The following SGCZ variants were observed in gnomAD, a reference collection of about 807,000 sequenced individuals.
SGCZ encodes sarcoglycan zeta.
A neutral mutation model predicts 41.3 loss-of-function variants in SGCZ; 40 were observed. The ratio of observed to expected loss-of-function variants is 0.97; its 90% confidence interval spans 0.75 to 1.26. The LOEUF (loss-of-function observed/expected upper bound fraction) is 1.26. Ranked by LOEUF, SGCZ falls within the 50% of genes most tolerant of loss-of-function variation. The probability of loss-of-function intolerance (pLI) is 0.00; values close to 1 mark genes in which losing one functional copy is unlikely to be tolerated. For missense variants in SGCZ, 552 were observed against 369.8 expected (o/e 1.49, Z -4.04); for synonymous variants, 206 against 137.5 (o/e 1.50, Z -3.49).
At chr8:14,664,403 T>C (rs998943618) in intron 1 of SGCZ, among the ~76,000 whole-genome samples, 5 of 152,178 alleles carry the variant, frequency 3.3e-5, no homozygotes, top group Non-Finnish European at 7.4e-5. Flanking sequence ...TGCTTAGAAG[T>C]GTGTCTTTAA....
chr8:15,116,608 G>C (rs939345445), intron 1 of SGCZ, among the ~76,000 whole-genome samples: 2 of 152,156 alleles, frequency 1.3e-5, no homozygotes, highest in Non-Finnish European at 2.9e-5. Context: ...CTGACAGAAA[G>C]GGCAAAGGGT....
intron 2 of SGCZ, among the ~76,000 whole-genome samples, chr8:14,531,206 C>A (rs570766688): frequency 1.3e-5 from 2 of 151,836 alleles, no homozygotes; most frequent in African/African-American, 4.8e-5. Context: ...ATTCATAAAC[C>A]TATCAGCATA....
chr8:14,316,600 A>T (rs977734663), intron 3 of SGCZ, among the ~76,000 whole-genome samples: 8 of 151,810 alleles, frequency 5.3e-5, no homozygotes, highest in African/African-American at 1.9e-4. Flanking sequence ...CAACCCGGAA[A>T]CACTTTCACC....
chr8:14,109,333 G>C (rs1315611891), intron 5 of SGCZ, among the ~76,000 whole-genome samples: 1 of 152,026 alleles, frequency 6.6e-6, no homozygotes, highest in Non-Finnish European at 1.5e-5. Flanking sequence ...GAGCAAAATG[G>C]AAGGATACTT....
chr8:14,657,450 A>T (rs910349858), intron 1 of SGCZ, among the ~76,000 whole-genome samples: 2 of 152,122 alleles, frequency 1.3e-5, no homozygotes, highest in Non-Finnish European at 1.5e-5. Flanking sequence ...ATTTTGTAAA[A>T]TAAAGTTGAC....
In SGCZ at chr8:14,381,657, T is replaced by C. The variant is rs1804369857; in HGVS notation, c.235-57453A>G. ...GGCTGGGTGTAGTCACGTGCACCTG[T>C]AGTCCCAGCTACTTGTTACTTGGGA... is the stretch of plus-strand genomic sequence containing the variant. On this transcript the variant is annotated intron_variant, in intron 2 of 7. Coordinates refer to ENST00000382080, the MANE Select transcript of SGCZ (RefSeq NM_139167.4). Among the ~76,000 whole-genome samples, 5 of 151,658 alleles carry C rather than the reference T, an allele frequency of 3.3e-5. No homozygotes were observed. In the South Asian group the frequency reaches 1.0e-3, roughly 32 times the overall value.
rs1329321111 is a variant in SGCZ, at chr8:14,360,863, G to T, written c.235-36659C>A. On this transcript the variant is annotated intron_variant, in intron 2 of 7. Coordinates refer to ENST00000382080, the MANE Select transcript of SGCZ (RefSeq NM_139167.4). ...GTATTTTTTGAGAAACCACTTTTTT[G>T]TTGTTGTTTTCTAGAGTGGCTGTAC... 2.6e-5 allele frequency among the ~76,000 whole-genome samples: 4 copies of T among 152,050 alleles called. No homozygotes were observed. In the East Asian group the frequency reaches 7.7e-4, roughly 29 times the overall value.
intron 1 of SGCZ, among the ~76,000 whole-genome samples, chr8:15,191,803 T>C (rs990458080): frequency 2.6e-5 from 4 of 152,094 alleles, no homozygotes; most frequent in Non-Finnish European, 5.9e-5. Context: ...AAACTTCAAC[T>C]CAGTCCTACC....
At chr8:14,481,084 G>A (rs1192406530) in intron 2 of SGCZ, among the ~76,000 whole-genome samples, 1 of 151,952 alleles carries the variant, frequency 6.6e-6, no homozygotes, top group Non-Finnish European at 1.5e-5. Flanking sequence ...AAACAGCAAA[G>A]TGTTAATATC....
At chr8:14,620,684 A>G (rs2117368465) in intron 1 of SGCZ, among the ~76,000 whole-genome samples, 1 of 152,366 alleles carries the variant, frequency 6.6e-6, no homozygotes, top group Non-Finnish European at 1.5e-5. Context: ...AGACACATGA[A>G]AAAATGCTCA....
chr8:14,526,414 T>C (rs1802952120), intron 2 of SGCZ, among the ~76,000 whole-genome samples: 1 of 152,140 alleles, frequency 6.6e-6, no homozygotes, highest in South Asian at 2.1e-4. Context: ...ATGATTAGGC[T>C]ACTGTTGTAC....
At chr8:14,698,851 C>T (rs996410774) in intron 1 of SGCZ, among the ~76,000 whole-genome samples, 1 of 151,972 alleles carries the variant, frequency 6.6e-6, no homozygotes, top group Admixed American at 6.6e-5. Context: ...GTAGTGTGAA[C>T]ACATGTCTCC....
In SGCZ at chr8:14,127,608, A is replaced by G. The variant is rs1802903372; in HGVS notation, c.548-19373T>C. ...GTAGCTGGGACTACAGGCACCCACT[A>G]CCACACCAGGCTAATTTTTTGTATT... On this transcript the variant is annotated intron_variant, in intron 5 of 7. Transcript: ENST00000382080. Among the ~76,000 whole-genome samples, 4 of 151,808 alleles carry G rather than the reference A, an allele frequency of 2.6e-5. No homozygotes were observed. In the South Asian group the frequency reaches 6.3e-4, roughly 24 times the overall value.
At chr8:14,104,385 T>A (rs959118) in intron 6 of SGCZ, among the ~76,000 whole-genome samples, 147,585 of 151,980 alleles carry the variant, frequency 0.97, 71,783 homozygotes, top group East Asian at 1. Context: ...TGTATCAAAG[T>A]TGCAACAAGA....
chr8:15,123,273 A>G (rs1807556411), intron 1 of SGCZ, among the ~76,000 whole-genome samples: 1 of 152,188 alleles, frequency 6.6e-6, no homozygotes, highest in African/African-American at 2.4e-5. Context: ...TTTCCTTGAT[A>G]AATAGAAAGG....
At chr8:14,588,460 A>C (rs929610157) in intron 1 of SGCZ, among the ~76,000 whole-genome samples, 1 of 152,180 alleles carries the variant, frequency 6.6e-6, no homozygotes, top group Non-Finnish European at 1.5e-5. Flanking sequence ...ATACATTAAT[A>C]ATCAGAATAA....
At chr8:14,461,374 T>C (rs1380239711) in intron 2 of SGCZ, among the ~76,000 whole-genome samples, 1 of 152,056 alleles carries the variant, frequency 6.6e-6, no homozygotes, top group African/African-American at 2.4e-5. Flanking sequence ...AACATTGCAA[T>C]ATCCCCAATG....
intron 5 of SGCZ, among the ~76,000 whole-genome samples, chr8:14,141,232 T>C (rs894335432): frequency 1.8e-4 from 27 of 151,028 alleles, no homozygotes; most frequent in African/African-American, 6.0e-4. Context: ...GAAGGAAACC[T>C]ATACCATTCA....
chr8:14,861,210 T>G (rs540269412), intron 1 of SGCZ, among the ~76,000 whole-genome samples: 8 of 152,344 alleles, frequency 5.3e-5, no homozygotes, highest in Non-Finnish European at 8.8e-5. Flanking sequence ...CAAGAAAGAC[T>G]GTCACATCCA....
Sources: gnomAD v4.1 joint callset for allele counts (sites outside exome capture counted in the v4.1 genomes callset) on GRCh38, gnomAD v4.1.1 for gene constraint, MANE v1.5 for transcripts, NCBI Gene and HGNC (gene_info 2026-07-23, HGNC 2026-07-21) for gene names.